The following INPP4B variants were observed in gnomAD, a reference collection of about 807,000 sequenced individuals.
The protein encoded by INPP4B is inositol polyphosphate-4-phosphatase type II B, also known as inositol polyphosphate 4-phosphatase type II.
A neutral mutation model predicts 122.5 loss-of-function variants in INPP4B; 55 were observed. That is an observed-to-expected ratio of 0.45 (90% CI 0.36 to 0.56). The LOEUF is 0.56. INPP4B is among the 20% of genes least tolerant of loss of function. INPP4B has a pLI of 0.00. For synonymous variants in INPP4B, 403 were observed against 388.7 expected, an observed-to-expected ratio of 1.04 and a Z score of -0.43; for missense variants, 1,000 against 1,097.7, an observed-to-expected ratio of 0.91 and a Z score of 1.26.
intron 1 of INPP4B, among the ~76,000 whole-genome samples, chr4:142,772,137 A>T (rs55657725): frequency 0.081 from 12,314 of 152,184 alleles, 582 homozygotes; most frequent in Middle Eastern, 0.13. Flanking sequence ...GTTGGAGATA[A>T]AAATTTGTGA....
At chr4:142,385,621 C>T (rs374043612) in intron 7 of INPP4B, among the ~76,000 whole-genome samples, 2 of 152,228 alleles carry the variant, frequency 1.3e-5, no homozygotes, top group South Asian at 2.1e-4. Context: ...CTGTAATTTA[C>T]ACATTTGTAG....
intron 2 of INPP4B, among the ~76,000 whole-genome samples, chr4:142,630,157 C>A (rs187086529): frequency 2.1e-3 from 317 of 152,214 alleles, no homozygotes; most frequent in African/African-American, 7.2e-3. Flanking sequence ...AGGGTAAATT[C>A]AGCATCTAAA....
chr4:142,409,575 C>T (rs1183983972), intron 5 of INPP4B, among the ~76,000 whole-genome samples: 1 of 152,006 alleles, frequency 6.6e-6, no homozygotes, highest in African/African-American at 2.4e-5. Flanking sequence ...AAATAATAAA[C>T]AAATAAAGAC....
intron 3 of INPP4B, among the ~76,000 whole-genome samples, chr4:142,457,955 C>T (rs1159259517): frequency 1.3e-5 from 2 of 152,124 alleles, no homozygotes; most frequent in East Asian, 1.9e-4. Context: ...AGCAATCTAA[C>T]TTCTAGGTGT....
At chr4:142,439,698 A>G (rs979511) in intron 3 of INPP4B, among the ~76,000 whole-genome samples, 26,328 of 152,146 alleles carry the variant, frequency 0.17, 2,879 homozygotes, top group East Asian at 0.41. Context: ...ATTCCCTATC[A>G]GCTTCTAGCC....
chr4:142,675,816 T>TCAATAAACTAGTTATTTATGGAATGTATC, intron 2 of INPP4B, among the ~76,000 whole-genome samples: 1 of 152,154 alleles, frequency 6.6e-6, no homozygotes, highest in South Asian at 2.1e-4. Context: ...CTAAAAACTC[T>TCAATAAACTAGTTATTTATGGAATGTATC]CAATAAACTA....
rs1578983320 is a variant in INPP4B, at chr4:142,122,173, A to G, written c.2090T>C (p.Ile697Thr). 6.2e-7 allele frequency: 1 copy of G among 1,612,262 alleles called. No individual in the cohort carries two copies. Among genetic ancestry groups the G allele is most frequent in the Non-Finnish European group, 8.5e-7 (1 of 1,179,126 alleles). Residue 697 changes from isoleucine (I) to threonine (T), a missense_variant, in exon 21 of 26, where the codon ATT (isoleucine) becomes ACT (threonine). Physicochemically the swap from Ile to Thr is moderately conservative, Grantham distance 89. Transcript: ENST00000262992. ...CAACACATCATTGGATTTGGCTTCA[A>G]TTATTTTAAATGCAACTTTCTTTAA... ...SDLKKVAFKIIEAKSNDVLPV... is the reference protein window; with the variant it reads ...SDLKKVAFKITEAKSNDVLPV...
chr4:142,497,879 T>C (rs909194522), intron 2 of INPP4B, among the ~76,000 whole-genome samples: 3 of 152,100 alleles, frequency 2.0e-5, no homozygotes, highest in East Asian at 3.9e-4. Flanking sequence ...GTAGAGAACA[T>C]GAAAAAAATC....
chr4:142,747,923 T>C (rs1236326852), intron 1 of INPP4B, among the ~76,000 whole-genome samples: 2 of 152,046 alleles, frequency 1.3e-5, no homozygotes, highest in African/African-American at 4.8e-5. Context: ...CTAATGTAGA[T>C]GACGAGTTGA....
rs186831481 is a variant in INPP4B, at chr4:142,641,806, T to C, written c.-191+84033A>G. Among the ~76,000 whole-genome samples the C allele has an allele frequency of 1.8e-4, 27 of 152,306 alleles. No individual in the cohort carries two copies. The East Asian group carries it at 4.4e-3, about 25-fold the overall frequency. ...CCAGTAATGATTTGGCTGTGTCAAA[T>C]GGTATTTCTAGTTCTAGATCCCTGA... is the stretch of plus-strand genomic sequence containing the variant. On this transcript the variant is annotated intron_variant, in intron 2 of 25. Coordinates refer to ENST00000262992, the MANE Select transcript of INPP4B (RefSeq NM_001101669.3).
chr4:142,026,877 A>ATAAAT lies in INPP4B; in HGVS notation c.*1900_*1904dup, dbSNP rs1737172901. ...TGCTTATAAGAGTATTTACAGAATG[A>ATAAAT]TAAATTACTTAAGGTTTCTTAGAAC... is the stretch of plus-strand genomic sequence containing the variant. On this transcript the variant is annotated 3_prime_UTR_variant, in exon 26 of 26. Coordinates refer to ENST00000262992, the MANE Select transcript of INPP4B (RefSeq NM_001101669.3). 6.6e-6 allele frequency: 1 copy of ATAAAT among 152,218 alleles called. No homozygotes were observed. Among genetic ancestry groups the ATAAAT allele is most frequent in the Non-Finnish European group, 1.5e-5 (1 of 68,034 alleles). The allele number at this position is 152,218 out of a possible 1,614,324, so 9.4% of individuals were successfully genotyped here.
intron 5 of INPP4B, among the ~76,000 whole-genome samples, chr4:142,411,017 C>G (rs1457942931): frequency 2.0e-5 from 3 of 151,902 alleles, no homozygotes; most frequent in Non-Finnish European, 2.9e-5. Context: ...TTTTTAAAAG[C>G]TCTTTACTAG....
chr4:142,097,990 C>A (rs1782726657), intron 23 of INPP4B, among the ~76,000 whole-genome samples: 1 of 152,066 alleles, frequency 6.6e-6, no homozygotes. Flanking sequence ...TTGCATGCTA[C>A]ATGATGATAG....
chr4:142,523,571 C>G (rs1188664985), intron 2 of INPP4B, among the ~76,000 whole-genome samples: 1 of 152,120 alleles, frequency 6.6e-6, no homozygotes, highest in South Asian at 2.1e-4. Context: ...AACCCTTAAT[C>G]AGTCTCCACT....
At chr4:142,124,563 A>C in intron 19 of INPP4B, 25 bp downstream of exon 19, 1 of 1,601,616 alleles carries the variant, frequency 6.2e-7, no homozygotes, top group Non-Finnish European at 8.6e-7. Context: ...ATTGTTTTGT[A>C]CTAACAATAA....
At chr4:142,413,477 G>C (rs1805032733) in intron 5 of INPP4B, among the ~76,000 whole-genome samples, 2 of 152,142 alleles carry the variant, frequency 1.3e-5, no homozygotes, top group Admixed American at 1.3e-4. Flanking sequence ...AATAATGCTA[G>C]ATACTAGTAT....
At chr4:142,540,548 G>A (rs571976078) in intron 2 of INPP4B, among the ~76,000 whole-genome samples, 1 of 152,218 alleles carries the variant, frequency 6.6e-6, no homozygotes, top group Non-Finnish European at 1.5e-5. Flanking sequence ...ATTCTAGAGT[G>A]TAAGAGTAAC....
rs560899756 is a variant in INPP4B at position 142,031,710 on chromosome 4, T to C, written c.2643-2796A>G. On this transcript the variant is annotated intron_variant, in intron 25 of 25. Transcript: ENST00000262992. Reference sequence around the variant, plus strand: ...TAGAAAATGTACAGTATTTTAGGCATTGATATTTTTTAAAGTGACTAAGAA... The same window carrying C: ...TAGAAAATGTACAGTATTTTAGGCACTGATATTTTTTAAAGTGACTAAGAA... 3.3e-5 allele frequency among the ~76,000 whole-genome samples: 5 copies of C among 152,314 alleles called. No individual in the cohort carries two copies. In the East Asian group the frequency reaches 5.8e-4, roughly 18 times the overall value.
intron 2 of INPP4B, among the ~76,000 whole-genome samples, chr4:142,526,620 A>G (rs749274476): frequency 6.6e-6 from 1 of 152,104 alleles, no homozygotes; most frequent in African/African-American, 2.4e-5. Flanking sequence ...ATTTTAAACT[A>G]GTGTGAACTT....
Sources: allele counts gnomAD v4.1 joint callset (sites outside exome capture counted in the v4.1 genomes callset), GRCh38; gene constraint gnomAD v4.1.1; transcripts MANE v1.5; gene names NCBI Gene and HGNC (gene_info 2026-07-23, HGNC 2026-07-21).